Variants in CEACAM21 observed in about 807,000 individuals in gnomAD.
The protein encoded by CEACAM21 is CEA cell adhesion molecule 21.
CEACAM21 carries 38 observed loss-of-function variants against 33.2 expected under a neutral mutation model. The observed-to-expected ratio is 1.14, with a 90% CI of 0.88 to 1.50. The LOEUF (loss-of-function observed/expected upper bound fraction) is 1.50, where lower values mean the gene tolerates loss of function less well. Among genes scored for constraint, CEACAM21 ranks in the 40% most tolerant of loss-of-function variants. The pLI is 0.00. For missense variants in CEACAM21, 385 were observed against 364.6 expected (o/e 1.06, Z -0.46); for synonymous variants, 156 against 143.0 (o/e 1.09, Z -0.65).
At chr19:41,550,418 T>A (rs2041137370) in intron 1 of CEACAM21, 1 of 152,202 alleles carries the variant, frequency 6.6e-6, no homozygotes, top group African/African-American at 2.4e-5. Flanking sequence ...CAGATATCTC[T>A]CCTCAATGGA....
At chr19:41,570,314 A>G (rs925482595) in intron 2 of CEACAM21, among the ~76,000 whole-genome samples, 5 of 152,138 alleles carry the variant, frequency 3.3e-5, no homozygotes, top group Admixed American at 2.0e-4. Flanking sequence ...CTTAGAGGAA[A>G]GGCTGTCGCT....
At chr19:41,555,221 A>C (rs939570085) in intron 1 of CEACAM21, 27 of 151,686 alleles carry the variant, frequency 1.8e-4, no homozygotes, top group Non-Finnish European at 3.4e-4. Context: ...TATCCAACCC[A>C]GTATCTACAA....
chr19:41,575,951 G>A (rs1308434510), upstream of CEACAM21, among the ~76,000 whole-genome samples: 1 of 152,200 alleles, frequency 6.6e-6, no homozygotes, highest in Admixed American at 6.5e-5. Flanking sequence ...CACAGCAGAG[G>A]TCAGTACTGG....
intron 2 of CEACAM21, among the ~76,000 whole-genome samples, chr19:41,570,069 A>T (rs2042505378): frequency 6.6e-6 from 1 of 152,184 alleles, no homozygotes; most frequent in East Asian, 1.9e-4. Context: ...TCCAGGCGGC[A>T]GTCACCCTGG....
intron 1 of CEACAM21, among the ~76,000 whole-genome samples, chr19:41,562,295 AAAGT>A (rs2041934463): frequency 6.6e-6 from 1 of 151,620 alleles, no homozygotes; most frequent in Admixed American, 6.6e-5. Context: ...CACTATAAAG[AAAGT>A]TTTTTTTAAG....
chr19:41,572,274 T>C (rs1273249319), upstream of CEACAM21, among the ~76,000 whole-genome samples: 2 of 152,114 alleles, frequency 1.3e-5, no homozygotes, highest in Non-Finnish European at 2.9e-5. Flanking sequence ...TGCCCTTCAG[T>C]CAATATGATG....
Position 41,585,968 on chromosome 19 carries a change from C to T in CEACAM21, c.*97C>T. 2.3e-6 allele frequency: 3 copies of T among 1,281,176 alleles called. No individual in the cohort carries two copies. The South Asian group carries it at 3.8e-5, about 16-fold the overall frequency. 79.4% of individuals were successfully genotyped at this position (1,281,176 alleles called of 1,614,324 possible). Reference sequence around the variant, plus strand: ...CAATCCCCAGCACAAACCCACCCTACCCAGAATGACTTGGATAAGGTTAGA... The same window carrying T: ...CAATCCCCAGCACAAACCCACCCTATCCAGAATGACTTGGATAAGGTTAGA... On this transcript the variant is annotated intron_variant, in intron 6 of 6. Transcript: ENST00000401445.
chr19:41,566,321 T>C (rs1250156535), intron 2 of CEACAM21, among the ~76,000 whole-genome samples: 9 of 152,238 alleles, frequency 5.9e-5, no homozygotes, highest in African/African-American at 1.2e-4. Context: ...CCTATAATTC[T>C]ATAGGAAAGG....
upstream of CEACAM21, among the ~76,000 whole-genome samples, chr19:41,572,928 C>G (rs2042704895): frequency 6.6e-6 from 1 of 152,168 alleles, no homozygotes; most frequent in Admixed American, 6.5e-5. Context: ...CAACATCAAT[C>G]TGGTGAAGGC....
At position 41,585,462 on chromosome 19, in the gene CEACAM21, T is replaced by C. The variant is rs1448398501; in HGVS notation, c.817T>C (p.Phe273Leu). ...KTGRASDQSD[F>L]REQQPPASTP... ...TCCTAGGGCCAGCGATCAGAGTGAC[T>C]TCAGGGAGCAGCAGCCCCCAGCCTC... The change falls in exon 5 of 7, where the codon TTC becomes CTC. Residue 273 changes from phenylalanine to leucine, a missense_variant. By Grantham distance (22) the Phe-to-Leu change is conservative (BLOSUM62 0). Transcript: ENST00000401445. The C allele has an allele frequency of 6.2e-7, 1 of 1,613,814 alleles. No homozygotes were observed. Among genetic ancestry groups the C allele is most frequent in the African/African-American group, 1.3e-5 (1 of 74,986 alleles).
intron 3 of CEACAM21, among the ~76,000 whole-genome samples, chr19:41,580,464 A>G (rs1555793163): frequency 6.6e-6 from 1 of 152,176 alleles, no homozygotes; most frequent in African/African-American, 2.4e-5. Flanking sequence ...ACCAGTCACA[A>G]GTCTGGGCCT....
chr19:41,569,762 A>G (rs1326501288), intron 2 of CEACAM21, among the ~76,000 whole-genome samples: 1 of 152,168 alleles, frequency 6.6e-6, no homozygotes, highest in East Asian at 1.9e-4. Flanking sequence ...GTGACATCCC[A>G]GGGGAATCTA....
At chr19:41,564,331 A>T (rs994026419) in intron 1 of CEACAM21, among the ~76,000 whole-genome samples, 6 of 148,324 alleles carry the variant, frequency 4.0e-5, no homozygotes, top group South Asian at 4.3e-4. Context: ...TGAGTTATTT[A>T]TTATTTATTT....
chr19:41,573,938 T>C (rs781835449), upstream of CEACAM21, among the ~76,000 whole-genome samples: 11 of 152,188 alleles, frequency 7.2e-5, no homozygotes, highest in Admixed American at 2.6e-4. Context: ...ACTTCCTAAT[T>C]TGAAAACTTA....
intron 2 of CEACAM21, among the ~76,000 whole-genome samples, chr19:41,566,632 T>C (rs1402126153): frequency 6.6e-6 from 1 of 152,248 alleles, no homozygotes; most frequent in Non-Finnish European, 1.5e-5. Context: ...ATAATTTTCT[T>C]GTGTGGTTTT....
At chr19:41,551,598 T>TGA (rs2041204366) in intron 1 of CEACAM21, 1 of 152,242 alleles carries the variant, frequency 6.6e-6, no homozygotes, top group South Asian at 2.1e-4. Flanking sequence ...CTGAGGGCCA[T>TGA]GAGCCTGCCT....
chr19:41,586,414 C>T (rs371025293), intron 6 of CEACAM21, 50 bp from the exon 7 acceptor site: 24 of 621,960 alleles, frequency 3.9e-5, no homozygotes, highest in Non-Finnish European at 6.5e-5. Flanking sequence ...GATGCCAGAC[C>T]CTGTTCTGAG....
At chr19:41,556,572 C>A (rs1181838782) in intron 1 of CEACAM21, among the ~76,000 whole-genome samples, 1 of 152,186 alleles carries the variant, frequency 6.6e-6, no homozygotes, top group East Asian at 1.9e-4. Flanking sequence ...CAAAGAATTG[C>A]GATTTCCACT....
chr19:41,570,584 C>G (rs2042537398), intron 2 of CEACAM21, among the ~76,000 whole-genome samples: 1 of 152,148 alleles, frequency 6.6e-6, no homozygotes, highest in Non-Finnish European at 1.5e-5. Flanking sequence ...ATCATGCACT[C>G]CCAACATCCT....
Sources: gnomAD v4.1 joint callset for allele counts (sites outside exome capture counted in the v4.1 genomes callset) on GRCh38, gnomAD v4.1.1 for gene constraint, MANE v1.5 for transcripts, NCBI Gene and HGNC (gene_info 2026-07-23, HGNC 2026-07-21) for gene names.